The following ADAMTSL1 variants were observed in gnomAD, a reference collection of about 807,000 sequenced individuals.
ADAMTSL1 encodes ADAMTS-like protein 1.
ADAMTSL1 carries 126 observed loss-of-function variants against 201.8 expected under a neutral mutation model. The observed-to-expected ratio is 0.62, with a 90% CI of 0.54 to 0.72. The LOEUF is 0.72. Ranked by LOEUF, ADAMTSL1 falls within the 30% of genes least tolerant of loss-of-function variation. ADAMTSL1 has a pLI of 0.00. For synonymous variants in ADAMTSL1, 1,121 were observed against 903.4 expected (o/e 1.24, Z -4.32); for missense variants, 2,679 against 2,277.8 (o/e 1.18, Z -3.59).
chr9:18,775,768 C>A lies in ADAMTSL1; in HGVS notation c.2423C>A (p.Thr808Asn). Reference sequence around the variant, plus strand: ...TGTTCCACAAGCTGCGGGGAAGGCACCCAGACTCGAAGCGCCATTTGCCGA... The same window carrying A: ...TGTTCCACAAGCTGCGGGGAAGGCAACCAGACTCGAAGCGCCATTTGCCGA... ...TECSTSCGEG[T>N]QTRSAICRKM... Residue 808 changes from threonine (T) to asparagine (N), a missense_variant, in exon 18 of 29, where the codon ACC becomes AAC. Coordinates refer to ENST00000380548, the MANE Select transcript of ADAMTSL1 (RefSeq NM_001040272.6). 1 of 1,613,064 alleles carries A rather than the reference C, an allele frequency of 6.2e-7. No homozygotes were observed. The highest frequency in any genetic ancestry group is 8.5e-7 in the Non-Finnish European group (1 of 1,179,550).
chr9:17,957,524 C>T (rs1018409190), intron 1 of ADAMTSL1, among the ~76,000 whole-genome samples: 1 of 152,144 alleles, frequency 6.6e-6, no homozygotes, highest in Non-Finnish European at 1.5e-5. Flanking sequence ...TCACATTAGC[C>T]TAATTTTTGC....
At position 18,873,859 on chromosome 9, in the gene ADAMTSL1, T is replaced by C. The variant is rs550245130; in HGVS notation, c.4250-13972T>C. On this transcript the variant is annotated intron_variant, in intron 23 of 28. Coordinates refer to ENST00000380548, the MANE Select transcript of ADAMTSL1 (RefSeq NM_001040272.6). ...ATGATGGTGGTATCTTGATGGGAAT[T>C]GCATTGAGTTTTTAGATGACTTTTG... Among the ~76,000 whole-genome samples, 14 of 152,232 alleles carry C rather than the reference T, an allele frequency of 9.2e-5. 1 individual carries two copies. The South Asian group carries it at 2.9e-3, about 32-fold the overall frequency.
intron 2 of ADAMTSL1, among the ~76,000 whole-genome samples, chr9:18,442,099 T>C (rs914093535): frequency 1.3e-5 from 2 of 152,232 alleles, no homozygotes; most frequent in Non-Finnish European, 2.9e-5. Flanking sequence ...AAAAGTTTCC[T>C]GTCCTTTAAC....
intron 1 of ADAMTSL1, among the ~76,000 whole-genome samples, chr9:18,066,276 A>G (rs749666258): frequency 2.8e-4 from 43 of 152,144 alleles, no homozygotes; most frequent in Admixed American, 2.7e-3. Flanking sequence ...CCAATAATAG[A>G]AGTATTATAA....
chr9:18,816,592 A>G (rs980978971), intron 20 of ADAMTSL1, among the ~76,000 whole-genome samples: 4 of 152,132 alleles, frequency 2.6e-5, no homozygotes, highest in African/African-American at 9.7e-5. Context: ...AAAGTGAAAA[A>G]ATTTAATTTT....
chr9:18,651,534 C>G (rs1258719878), intron 7 of ADAMTSL1: 1 of 152,182 alleles, frequency 6.6e-6, no homozygotes, highest in Non-Finnish European at 1.5e-5. Context: ...ATAGCAAACT[C>G]AGAGCTAAGA....
At chr9:18,405,481 A>G (rs992116003) in intron 2 of ADAMTSL1, among the ~76,000 whole-genome samples, 1 of 152,100 alleles carries the variant, frequency 6.6e-6, no homozygotes, top group African/African-American at 2.4e-5. Context: ...ATCATTCTAC[A>G]GGTTTGGCAT....
At position 18,887,876 on chromosome 9, in the gene ADAMTSL1, A is replaced by T. The variant is rs1397090666; in HGVS notation, c.4295A>T (p.His1432Leu). 1 of 1,613,886 alleles carries T rather than the reference A, an allele frequency of 6.2e-7. No homozygotes were observed. The highest frequency in any genetic ancestry group is 8.5e-7 in the Non-Finnish European group (1 of 1,179,862). ...CCTGTCCCTAATATCACCTGGTTTC[A>T]TGGTGGTCAGCCAATTGTCACTGCC... ...GHPVPNITWF[H>L]GGQPIVTATG... The change falls in exon 24 of 29, where the codon CAT becomes CTT. Residue 1432 changes from histidine (H) to leucine (L), a missense_variant. Physicochemically the swap from His to Leu is moderately conservative, Grantham distance 99. Transcript: ENST00000380548.
At chr9:18,016,324 C>G (rs1820260139) in intron 1 of ADAMTSL1, among the ~76,000 whole-genome samples, 1 of 152,020 alleles carries the variant, frequency 6.6e-6, no homozygotes, top group Admixed American at 6.6e-5. Flanking sequence ...TTGTCGTGAA[C>G]TCTTGGGTCA....
intron 1 of ADAMTSL1, among the ~76,000 whole-genome samples, chr9:18,160,511 G>T (rs147466927): frequency 1.3e-5 from 2 of 152,054 alleles, no homozygotes; most frequent in East Asian, 3.9e-4. Context: ...AAGATGCAAA[G>T]GGATGCCAAC....
intron 2 of ADAMTSL1, among the ~76,000 whole-genome samples, chr9:18,352,637 C>A (rs1228277467): frequency 6.6e-6 from 1 of 152,116 alleles, no homozygotes; most frequent in Admixed American, 6.5e-5. Flanking sequence ...TAACGTATTA[C>A]TCTATTTTCC....
At chr9:18,625,863 T>C (rs2132698290) in intron 5 of ADAMTSL1, among the ~76,000 whole-genome samples, 1 of 152,238 alleles carries the variant, frequency 6.6e-6, no homozygotes. Flanking sequence ...AACTCACTTA[T>C]ATCAAGATAA....
At chr9:18,185,902 A>T (rs892397434) in intron 2 of ADAMTSL1, among the ~76,000 whole-genome samples, 25 of 152,180 alleles carry the variant, frequency 1.6e-4, no homozygotes, top group Non-Finnish European at 2.4e-4. Context: ...GATGTGTTTG[A>T]CCATGGAACA....
At chr9:18,215,871 A>C (rs147095783) in intron 2 of ADAMTSL1, among the ~76,000 whole-genome samples, 1 of 152,268 alleles carries the variant, frequency 6.6e-6, no homozygotes, top group African/African-American at 2.4e-5. Flanking sequence ...TGAAAGAGAC[A>C]CCACATGTCA....
At chr9:18,082,343 C>G (rs971247969) in intron 1 of ADAMTSL1, among the ~76,000 whole-genome samples, 1 of 152,046 alleles carries the variant, frequency 6.6e-6, no homozygotes, top group African/African-American at 2.4e-5. Flanking sequence ...TTTTTTCACT[C>G]TTGTCCCTCA....
intron 1 of ADAMTSL1, among the ~76,000 whole-genome samples, chr9:18,127,674 G>T (rs1209785080): frequency 6.6e-6 from 1 of 152,156 alleles, no homozygotes; most frequent in Non-Finnish European, 1.5e-5. Context: ...TTGTTTTAAG[G>T]AGTCTTCGCT....
chr9:17,972,576 A>G (rs187318679), intron 1 of ADAMTSL1, among the ~76,000 whole-genome samples: 1 of 151,772 alleles, frequency 6.6e-6, no homozygotes, highest in African/African-American at 2.4e-5. Flanking sequence ...TTGGACATTT[A>G]GGTTGGTTCC....
At chr9:18,703,049 C>T (rs1397097636) in intron 13 of ADAMTSL1, among the ~76,000 whole-genome samples, 1 of 152,116 alleles carries the variant, frequency 6.6e-6, no homozygotes, top group African/African-American at 2.4e-5. Context: ...GGCGTGAGTG[C>T]CCGGCCGACA....
chr9:18,209,521 CTTAAT>C (rs1382058528), intron 2 of ADAMTSL1, among the ~76,000 whole-genome samples: 1 of 152,096 alleles, frequency 6.6e-6, no homozygotes, highest in Non-Finnish European at 1.5e-5. Flanking sequence ...GTAAATGGAG[CTTAAT>C]TTTATAAAGC....
Sources: gnomAD v4.1 joint callset for allele counts (sites outside exome capture counted in the v4.1 genomes callset) on GRCh38, gnomAD v4.1.1 for gene constraint, MANE v1.5 for transcripts, NCBI Gene and HGNC (gene_info 2026-07-23, HGNC 2026-07-21) for gene names.